CNTNAP2: variants seen among roughly 807,000 people sequenced by gnomAD.
CNTNAP2 encodes contactin associated protein 2.
In CNTNAP2, 98 loss-of-function variants were observed where a neutral mutation model predicts 155.2. The ratio of observed to expected loss-of-function variants is 0.63; its 90% CI spans 0.54 to 0.75. The LOEUF (loss-of-function observed/expected upper bound fraction) is 0.75, where lower values mean the gene tolerates loss of function less well. Ranked by LOEUF, CNTNAP2 falls within the 30% of genes least tolerant of loss-of-function variation. The pLI is 0.00. For synonymous variants in CNTNAP2, 651 were observed against 631.2 expected (o/e 1.03, Z -0.47); for missense variants, 1,727 against 1,688.1 (o/e 1.02, Z -0.40).
At chr7:147,244,263 T>C (rs546874071) in intron 8 of CNTNAP2, among the ~76,000 whole-genome samples, 1 of 152,334 alleles carries the variant, frequency 6.6e-6, no homozygotes, top group East Asian at 1.9e-4. Flanking sequence ...GAAAAGCCAC[T>C]TCTGAACATC....
At chr7:147,448,277 CTAGAT>C (rs1306097373) in intron 10 of CNTNAP2, among the ~76,000 whole-genome samples, 24 of 151,996 alleles carry the variant, frequency 1.6e-4, no homozygotes, top group African/African-American at 5.8e-4. Flanking sequence ...CTGGAGAGTG[CTAGAT>C]TAGAGTCAAT....
chr7:147,213,123 A>G (rs1184772843), intron 8 of CNTNAP2, among the ~76,000 whole-genome samples: 2 of 152,140 alleles, frequency 1.3e-5, no homozygotes, highest in Admixed American at 6.6e-5. Flanking sequence ...TCCGCTCTCT[A>G]CAAATTGAAA....
intron 9 of CNTNAP2, among the ~76,000 whole-genome samples, chr7:147,372,792 C>T (rs1415744121): frequency 1.3e-5 from 2 of 152,008 alleles, no homozygotes; most frequent in Non-Finnish European, 2.9e-5. Context: ...GATCAGAACA[C>T]TTGAGTCAAT....
At chr7:146,752,254 C>A (rs1206061408) in intron 1 of CNTNAP2, among the ~76,000 whole-genome samples, 1 of 152,106 alleles carries the variant, frequency 6.6e-6, no homozygotes, top group Non-Finnish European at 1.5e-5. Flanking sequence ...GGTGTAAATG[C>A]ATTCCTATTT....
intron 1 of CNTNAP2, among the ~76,000 whole-genome samples, chr7:146,293,763 T>C (rs999592457): frequency 7.2e-5 from 11 of 151,744 alleles, no homozygotes; most frequent in African/African-American, 2.7e-4. Context: ...TTATCTAATT[T>C]GAAAAAATAA....
intron 21 of CNTNAP2, among the ~76,000 whole-genome samples, chr7:148,294,672 A>T (rs1472454669): frequency 6.6e-6 from 1 of 152,180 alleles, no homozygotes; most frequent in Non-Finnish European, 1.5e-5. Context: ...AACTTTGTAT[A>T]TTACTGTATT....
At chr7:148,316,555 G>A (rs187193737) in intron 21 of CNTNAP2, among the ~76,000 whole-genome samples, 8 of 152,194 alleles carry the variant, frequency 5.3e-5, no homozygotes, top group Middle Eastern at 3.4e-3. Flanking sequence ...AATAATACCC[G>A]CACAGGCCTT....
chr7:146,526,772 C>T (rs1478944081), intron 1 of CNTNAP2, among the ~76,000 whole-genome samples: 1 of 152,044 alleles, frequency 6.6e-6, no homozygotes, highest in Non-Finnish European at 1.5e-5. Context: ...AACATTTTGC[C>T]ATATTTCAAG....
At chr7:146,295,986 C>T (rs1419994414) in intron 1 of CNTNAP2, among the ~76,000 whole-genome samples, 1 of 151,868 alleles carries the variant, frequency 6.6e-6, no homozygotes, top group Non-Finnish European at 1.5e-5. Context: ...TGGACAGAAA[C>T]ATAGTTATAA....
At chr7:147,101,621 G>A (rs1246582850) in intron 4 of CNTNAP2, among the ~76,000 whole-genome samples, 1 of 152,176 alleles carries the variant, frequency 6.6e-6, no homozygotes, top group Non-Finnish European at 1.5e-5. Flanking sequence ...TTTACTGAGT[G>A]ATGGAGGTGG....
intron 8 of CNTNAP2, among the ~76,000 whole-genome samples, chr7:147,234,334 C>CTTTTTT (rs1225048153): frequency 6.0e-4 from 64 of 107,538 alleles, no homozygotes; most frequent in African/African-American, 1.4e-3. Context: ...CAAGAGTATT[C>CTTTTTT]TTTTTTTTTT....
chr7:148,402,506 G>C (rs1799610526), intron 22 of CNTNAP2, among the ~76,000 whole-genome samples: 1 of 152,120 alleles, frequency 6.6e-6, no homozygotes, highest in African/African-American at 2.4e-5. Context: ...TATATCTTCA[G>C]CATCTTAGTC....
At chr7:146,647,016 A>G (rs1440107595) in intron 1 of CNTNAP2, among the ~76,000 whole-genome samples, 1 of 152,208 alleles carries the variant, frequency 6.6e-6, no homozygotes, top group Non-Finnish European at 1.5e-5. Flanking sequence ...GCACAATATC[A>G]ATGGTCACAA....
intron 1 of CNTNAP2, among the ~76,000 whole-genome samples, chr7:146,664,616 CAT>C (rs1388495103): frequency 1.3e-5 from 2 of 152,106 alleles, no homozygotes; most frequent in Non-Finnish European, 2.9e-5. Flanking sequence ...TTTTCTTTAA[CAT>C]AATTTCTCCA....
intron 13 of CNTNAP2, among the ~76,000 whole-genome samples, chr7:147,740,630 A>G (rs1796941606): frequency 6.6e-6 from 1 of 152,240 alleles, no homozygotes; most frequent in South Asian, 2.1e-4. Flanking sequence ...CACTTTGTAG[A>G]TGAGTAAAGC....
Position 146,349,426 on chromosome 7 carries a change from C to T in CNTNAP2, c.97+232453C>T, listed in dbSNP as rs187770465. On this transcript the variant is annotated intron_variant, in intron 1 of 23. Coordinates refer to ENST00000361727, the MANE Select transcript of CNTNAP2 (RefSeq NM_014141.6). ...ACTTATGGCATAATGAAAACAAAAA[C>T]GAAGAGCTAATTGCAAACTTATGCA... is the stretch of plus-strand genomic sequence containing the variant. Among the ~76,000 whole-genome samples, 298 of 152,252 alleles carry T rather than the reference C, an allele frequency of 2.0e-3. 3 individuals are homozygous for T. The highest frequency in any genetic ancestry group is 6.9e-3 in the African/African-American group (285 of 41,540).
chr7:146,982,454 A>G (rs1178934710), intron 3 of CNTNAP2, among the ~76,000 whole-genome samples: 2 of 152,184 alleles, frequency 1.3e-5, no homozygotes, highest in Non-Finnish European at 2.9e-5. Context: ...AACAGAGGAG[A>G]CATTTTCAGT....
rs1797291101 is a variant in CNTNAP2, at chr7:147,421,585, C to CTCTGTGTGTGTGTGTGTGTG, written c.1670+25806_1670+25807insCTGTGTGTGTGTGTGTGTGT. ...ATATGTCCTGGTATGTCTATCTAATCTGTGTGTGTGTGTGTGTGTGTGTGT... is the reference window on the plus strand; with the variant it reads ...ATATGTCCTGGTATGTCTATCTAATCTCTGTGTGTGTGTGTGTGTGTGTGTGTGTGTGTGTGTGTGTGTGT... On this transcript the variant is annotated intron_variant, in intron 10 of 23. Transcript: ENST00000361727. Among the ~76,000 whole-genome samples the CTCTGTGTGTGTGTGTGTGTG allele has an allele frequency of 5.6e-5, 8 of 143,540 alleles. No homozygotes were observed. The Admixed American group carries it at 5.6e-4, about 10-fold the overall frequency. 94.2% of individuals were successfully genotyped at this position (143,540 alleles called of 152,430 possible).
intron 1 of CNTNAP2, among the ~76,000 whole-genome samples, chr7:146,612,154 G>C (rs1395717317): frequency 6.6e-6 from 1 of 152,100 alleles, no homozygotes; most frequent in Non-Finnish European, 1.5e-5. Context: ...AAAGTAAAAA[G>C]AGCCTAGAAT....
Sources: allele counts gnomAD v4.1 joint callset (sites outside exome capture counted in the v4.1 genomes callset), GRCh38; gene constraint gnomAD v4.1.1; transcripts MANE v1.5; gene names NCBI Gene and HGNC (gene_info 2026-07-23, HGNC 2026-07-21).